The following GALNT13 variants were observed in gnomAD, a reference collection of about 807,000 sequenced individuals.
GALNT13 encodes the protein UDP-GalNAc:polypeptide N-acetylgalactosaminyltransferase 13.
Under a neutral mutation model 64.2 loss-of-function variants are expected in GALNT13, and 28 were observed. That is an observed-to-expected ratio of 0.44 (90% CI 0.32 to 0.60). GALNT13 has a LOEUF of 0.60. GALNT13 is among the 20% of genes least tolerant of loss of function. GALNT13 has a pLI of 0.05. For missense variants in GALNT13, 577 were observed against 669.8 expected (o/e 0.86, Z 1.53); for synonymous variants, 214 against 224.6 (o/e 0.95, Z 0.42).
the GALNT13 span, among the ~76,000 whole-genome samples, chr2:153,859,692 G>A: frequency 1.2e-4 from 19 of 152,204 alleles, no homozygotes; most frequent in African/African-American, 4.6e-4. Flanking sequence ...CACAGATGGT[G>A]GCTATGAAAT....
intron 2 of GALNT13, among the ~76,000 whole-genome samples, chr2:153,910,171 G>A (rs1262798717): frequency 1.3e-5 from 2 of 151,952 alleles, no homozygotes; most frequent in Non-Finnish European, 2.9e-5. Context: ...TCATGGGAGG[G>A]TATATGTGCT....
chr2:154,390,753 G>T lies in GALNT13; in HGVS notation c.1157-5238G>T, dbSNP rs1173735181. On this transcript the variant is annotated intron_variant, in intron 9 of 12. Coordinates refer to ENST00000392825, the MANE Select transcript of GALNT13 (RefSeq NM_052917.4). ...CTGGAATTAATTAAAATACTCTTTT[G>T]TTGGTACTCATTATGCATCTTTATT... is the stretch of plus-strand genomic sequence containing the variant. Among the ~76,000 whole-genome samples, 9 of 152,168 alleles carry T rather than the reference G, an allele frequency of 5.9e-5. No homozygotes were observed. The East Asian group carries it at 1.7e-3, about 29-fold the overall frequency.
chr2:153,425,889 C>T, the GALNT13 span, among the ~76,000 whole-genome samples: 1 of 151,744 alleles, frequency 6.6e-6, no homozygotes, highest in Non-Finnish European at 1.5e-5. Context: ...TTGAGTCATT[C>T]TGCTTTACTA....
chr2:154,006,656 A>G (rs888971395), intron 3 of GALNT13, among the ~76,000 whole-genome samples: 3 of 152,184 alleles, frequency 2.0e-5, no homozygotes, highest in South Asian at 4.1e-4. Flanking sequence ...CACAATGACC[A>G]TGGTAGGGAG....
chr2:154,165,027 A>G (rs555643260), intron 4 of GALNT13, among the ~76,000 whole-genome samples: 1 of 152,250 alleles, frequency 6.6e-6, no homozygotes, highest in East Asian at 1.9e-4. Context: ...CTGAAATCAA[A>G]GTGAAACTCT....
At chr2:154,408,909 C>A (rs1057228773) in intron 10 of GALNT13, 75 bp from the exon 11 acceptor site, 19 of 868,994 alleles carry the variant, frequency 2.2e-5, no homozygotes, top group Non-Finnish European at 3.6e-5. Flanking sequence ...TAGATAGTAA[C>A]ATGAGAAGGA....
At chr2:154,143,845 A>C (rs12329280) in intron 4 of GALNT13, among the ~76,000 whole-genome samples, 27,749 of 132,132 alleles carry the variant, frequency 0.21, 3,658 homozygotes, top group Middle Eastern at 0.34. Context: ...TGGGTGACAG[A>C]GTAAGACTCT....
chr2:153,429,405 CAT>C, the GALNT13 span, among the ~76,000 whole-genome samples: 5 of 152,254 alleles, frequency 3.3e-5, no homozygotes, highest in East Asian at 7.7e-4. Flanking sequence ...TATTATTAAA[CAT>C]GTGTAATTAA....
chr2:153,592,150 C>G, the GALNT13 span, among the ~76,000 whole-genome samples: 1 of 152,010 alleles, frequency 6.6e-6, no homozygotes, highest in African/African-American at 2.4e-5. Context: ...CGTCTTACAA[C>G]AGTCAGAATG....
intron 4 of GALNT13, among the ~76,000 whole-genome samples, chr2:154,188,409 G>A (rs1686382026): frequency 6.6e-6 from 1 of 152,096 alleles, no homozygotes; most frequent in African/African-American, 2.4e-5. Context: ...TTAAAAATCA[G>A]GTCAATTAAG....
In GALNT13 at chr2:154,391,876, G is replaced by A. The variant is rs183547352; in HGVS notation, c.1157-4115G>A. On this transcript the variant is annotated intron_variant, in intron 9 of 12. Transcript: ENST00000392825. ...AGTGCCATGGAAAAAAATTAAGCAC[G>A]ATAGAGGGATAAAGACAGACCTAGG... 7.3e-4 allele frequency among the ~76,000 whole-genome samples: 111 copies of A among 152,232 alleles called. 1 individual carries two copies. The highest frequency in any genetic ancestry group is 2.4e-3 in the African/African-American group (100 of 41,540).
the GALNT13 span, among the ~76,000 whole-genome samples, chr2:153,460,669 G>A: frequency 6.6e-6 from 1 of 152,102 alleles, no homozygotes; most frequent in Admixed American, 6.6e-5. Flanking sequence ...TGATTAATAA[G>A]TTAAGATACA....
At chr2:153,319,827 C>G in the GALNT13 span, among the ~76,000 whole-genome samples, 1 of 152,106 alleles carries the variant, frequency 6.6e-6, no homozygotes, top group African/African-American at 2.4e-5. Context: ...AGCATACTAA[C>G]TTTCATGGTT....
intron 4 of GALNT13, among the ~76,000 whole-genome samples, chr2:154,152,547 C>T (rs952849524): frequency 6.6e-6 from 1 of 152,238 alleles, no homozygotes; most frequent in Non-Finnish European, 1.5e-5. Flanking sequence ...GTTCCATTCA[C>T]CCCGTCACTT....
intron 3 of GALNT13, among the ~76,000 whole-genome samples, chr2:154,129,776 A>G (rs1682504601): frequency 6.6e-6 from 1 of 152,136 alleles, no homozygotes; most frequent in Non-Finnish European, 1.5e-5. Flanking sequence ...ATACTCAAAC[A>G]TTTTTAATTG....
chr2:153,318,380 C>A, the GALNT13 span, among the ~76,000 whole-genome samples: 1 of 152,120 alleles, frequency 6.6e-6, no homozygotes, highest in Non-Finnish European at 1.5e-5. Context: ...GGGCAGGTGA[C>A]CTAAACCAAG....
chr2:153,167,404 T>C, the GALNT13 span, among the ~76,000 whole-genome samples: 1 of 152,242 alleles, frequency 6.6e-6, no homozygotes, highest in Non-Finnish European at 1.5e-5. Context: ...GTGTTGAACG[T>C]GTAGTAGCAA....
chr2:154,288,733 TGCAAGAGGTGGG>T (rs1692423768), intron 8 of GALNT13, among the ~76,000 whole-genome samples: 1 of 152,242 alleles, frequency 6.6e-6, no homozygotes, highest in Non-Finnish European at 1.5e-5. Context: ...GTCTTGCTGA[TGCAAGAGGTGGG>T]TTTCCATGGT....
chr2:154,051,779 T>C (rs1699634605), intron 3 of GALNT13, among the ~76,000 whole-genome samples: 1 of 152,218 alleles, frequency 6.6e-6, no homozygotes, highest in African/African-American at 2.4e-5. Context: ...GATAAACATA[T>C]TGTAAATTCA....
Sources: allele counts gnomAD v4.1 joint callset (sites outside exome capture counted in the v4.1 genomes callset), GRCh38; gene constraint gnomAD v4.1.1; transcripts MANE v1.5; gene names NCBI Gene and HGNC (gene_info 2026-07-23, HGNC 2026-07-21).